The following CELF1 variants were observed in gnomAD, a reference collection of about 807,000 sequenced individuals.
CELF1 encodes the protein 50 kDa nuclear polyadenylated RNA-binding protein.
CELF1 carries 10 observed loss-of-function variants against 61.8 expected under a neutral mutation model. The ratio of observed to expected loss-of-function variants is 0.16; its 90% CI spans 0.10 to 0.27. The LOEUF (loss-of-function observed/expected upper bound fraction) is 0.27, where lower values mean the gene tolerates loss of function less well. Among genes scored for constraint, CELF1 ranks in the 10% least tolerant of loss-of-function variants. The pLI is 1.00. For missense variants in CELF1, 380 were observed against 639.1 expected, an observed-to-expected ratio of 0.59 and a Z score of 4.37; for synonymous variants, 236 against 225.1, an observed-to-expected ratio of 1.05 and a Z score of -0.43.
intron 3 of CELF1, among the ~76,000 whole-genome samples, chr11:47,496,231 A>C (rs975098769): frequency 6.6e-6 from 1 of 152,238 alleles, no homozygotes; most frequent in Non-Finnish European, 1.5e-5. Flanking sequence ...AGAAAAAGCT[A>C]TCTCTAAGGA....
Position 47,475,320 on chromosome 11 carries a change from C to G in CELF1, c.1273+16G>C. ...ACCGCCCCCCATACCTGACCCCGAT[C>G]TCCCTTTGCACTCACCTTCCTTCTG... On this transcript the variant is annotated intron_variant, in intron 13 of 14. Transcript: ENST00000687097. 2.5e-6 allele frequency: 4 copies of G among 1,612,252 alleles called. No individual in the cohort carries two copies. Among genetic ancestry groups the G allele is most frequent in the Non-Finnish European group, 3.4e-6 (4 of 1,179,388 alleles).
intron 2 of CELF1, among the ~76,000 whole-genome samples, chr11:47,563,320 T>C (rs1223038321): frequency 6.6e-6 from 1 of 152,126 alleles, no homozygotes; most frequent in Non-Finnish European, 1.5e-5. Flanking sequence ...TGCCTAAGGC[T>C]GGAGGATGAT....
intron 1 of CELF1, 53 bp downstream of exon 1, chr11:47,552,936 CCTT>C (rs1256986164): frequency 5.0e-6 from 2 of 397,606 alleles, no homozygotes; most frequent in South Asian, 1.3e-4. Context: ...CTCCCTCTTG[CCTT>C]TTTTCCCCTC....
upstream of CELF1, chr11:47,565,526 GTGCAGCTGGCAGCCCC>G (rs1161826709): frequency 9.2e-7 from 1 of 1,081,664 alleles, no homozygotes; most frequent in Non-Finnish European, 1.2e-6. Context: ...GAGAGGCCTA[GTGCAGCTGGCAGCCCC>G]GCCCCGGCAC....
intron 1 of CELF1, among the ~76,000 whole-genome samples, chr11:47,541,701 AG>A (rs1361481007): frequency 0.3 from 6,603 of 22,080 alleles, 973 homozygotes; most frequent in South Asian, 0.41. Context: ...AAAGAAAGAA[AG>A]AAAGAAAGAA....
At position 47,526,766 on chromosome 11, in the gene CELF1, C is replaced by T. The variant is rs59409728; in HGVS notation, c.-153-25834G>A. On this transcript the variant is annotated intron_variant, in intron 1 of 14. Coordinates refer to ENST00000687097, the MANE Select transcript of CELF1 (RefSeq NM_001376376.1). Reference sequence around the variant, plus strand: ...TGATTATAAAACACTGCTAAGTTAACCAGTCATCAAAAGGAGTTCCAGGCC... The same window carrying T: ...TGATTATAAAACACTGCTAAGTTAATCAGTCATCAAAAGGAGTTCCAGGCC... Among the ~76,000 whole-genome samples the T allele has an allele frequency of 0.016, 2,501 of 152,266 alleles. 170 individuals are homozygous for T. The East Asian group carries it at 0.19, about 11-fold the overall frequency.
intron 1 of CELF1, among the ~76,000 whole-genome samples, chr11:47,509,007 GATCCGCCC>G (rs1396129325): frequency 3.9e-5 from 6 of 152,120 alleles, no homozygotes; most frequent in African/African-American, 1.4e-4. Context: ...GACCTCAGGG[GATCCGCCC>G]ACCTCCGCCT....
intron 7 of CELF1, among the ~76,000 whole-genome samples, 161 bp downstream of exon 7, chr11:47,484,228 G>A (rs1468933840): frequency 6.6e-6 from 1 of 151,684 alleles, no homozygotes; most frequent in Non-Finnish European, 1.5e-5. Flanking sequence ...AGCTACTCAG[G>A]AGGCTGATCC....
At chr11:47,477,567 G>C (rs1401164184) in intron 10 of CELF1, 142 bp from the exon 11 acceptor site, 2 of 750,254 alleles carry the variant, frequency 2.7e-6, no homozygotes, top group Non-Finnish European at 4.2e-6. Context: ...AACATTACAG[G>C]GCTCCAAAAA....
intron 13 of CELF1, among the ~76,000 whole-genome samples, chr11:47,474,765 G>A (rs1392259165): frequency 1.3e-5 from 2 of 152,208 alleles, no homozygotes; most frequent in Admixed American, 6.5e-5. Flanking sequence ...TTCTATTCAT[G>A]TAAGTCACCT....
chr11:47,498,594 T>C (rs1400016148), intron 3 of CELF1, among the ~76,000 whole-genome samples: 1 of 152,224 alleles, frequency 6.6e-6, no homozygotes, highest in Non-Finnish European at 1.5e-5. Flanking sequence ...CATTTAATAT[T>C]CTTGGCTTTG....
rs187742962 is a variant in CELF1 at position 47,520,405 on chromosome 11, T to G, written c.-153-19473A>C. Among the ~76,000 whole-genome samples, 7 of 152,332 alleles carry G rather than the reference T, an allele frequency of 4.6e-5. No homozygotes were observed. The East Asian group carries it at 1.3e-3, about 29-fold the overall frequency. On this transcript the variant is annotated intron_variant, in intron 1 of 14. Coordinates refer to ENST00000687097, the MANE Select transcript of CELF1 (RefSeq NM_001376376.1). The stretch of plus-strand genomic sequence containing the variant: ...GAACAGACTTCTCTGTGTTTTCCTG[T>G]CACTCTCACACAGATTATAAGTTTA...
At chr11:47,481,115 T>G (rs1465472919) in intron 9 of CELF1, among the ~76,000 whole-genome samples, 5 of 127,984 alleles carry the variant, frequency 3.9e-5, no homozygotes, top group Non-Finnish European at 6.7e-5. Context: ...TTTTTTTTTT[T>G]TTTTTTTTTT....
intron 3 of CELF1, among the ~76,000 whole-genome samples, chr11:47,496,804 C>A (rs1354535791): frequency 6.6e-6 from 1 of 152,132 alleles, no homozygotes; most frequent in Non-Finnish European, 1.5e-5. Context: ...AGAAAGCTGA[C>A]TAAGAATAAA....
intron 3 of CELF1, among the ~76,000 whole-genome samples, chr11:47,498,720 T>TA (rs2093513054): frequency 6.6e-6 from 1 of 152,216 alleles, no homozygotes; most frequent in Non-Finnish European, 1.5e-5. Flanking sequence ...TTCAGGTTCC[T>TA]AGCAGCTACA....
intron 1 of CELF1, among the ~76,000 whole-genome samples, chr11:47,521,519 G>A (rs1312911142): frequency 6.6e-6 from 1 of 152,162 alleles, no homozygotes; most frequent in Admixed American, 6.5e-5. Flanking sequence ...CAGGTAACTG[G>A]GGAAATTGTT....
chr11:47,559,012 A>G (rs1193758979), intron 2 of CELF1, among the ~76,000 whole-genome samples: 1 of 142,744 alleles, frequency 7.0e-6, no homozygotes, highest in Non-Finnish European at 1.5e-5. Flanking sequence ...TACATAATAT[A>G]TGTTATATAT....
chr11:47,553,254 G>A (rs763570486), upstream of CELF1: 328 of 380,986 alleles, frequency 8.6e-4, no homozygotes, highest in Admixed American at 1.4e-3. Context: ...AGCGGAGCGC[G>A]GCGTAGGGGC....
At chr11:47,517,042 T>C (rs777817312) in intron 1 of CELF1, among the ~76,000 whole-genome samples, 4 of 152,090 alleles carry the variant, frequency 2.6e-5, no homozygotes, top group Non-Finnish European at 5.9e-5. Flanking sequence ...AGCCCACAAG[T>C]TCCAGACCAG....
Sources: gnomAD v4.1 joint callset for allele counts (sites outside exome capture counted in the v4.1 genomes callset) on GRCh38, gnomAD v4.1.1 for gene constraint, MANE v1.5 for transcripts, NCBI Gene and HGNC (gene_info 2026-07-23, HGNC 2026-07-21) for gene names.